MFN1: variants seen among roughly 807,000 people sequenced by gnomAD.
MFN1 encodes the protein mitofusin-1.
MFN1 carries 65 observed loss-of-function variants against 92.4 expected under a neutral mutation model. That is an observed-to-expected ratio of 0.70 (90% CI 0.58 to 0.86). The LOEUF (loss-of-function observed/expected upper bound fraction) is 0.86, where lower values mean the gene tolerates loss of function less well. Among genes scored for constraint, MFN1 ranks in the 40% least tolerant of loss-of-function variants. MFN1 has a pLI of 0.00. For missense variants in MFN1, 781 were observed against 868.0 expected, an observed-to-expected ratio of 0.90 and a Z score of 1.26; for synonymous variants, 297 against 300.9, an observed-to-expected ratio of 0.99 and a Z score of 0.13.
intron 12 of MFN1, 24 bp downstream of exon 12, chr3:179,377,472 T>G (rs1713286602): frequency 1.5e-6 from 2 of 1,377,996 alleles, no homozygotes; most frequent in East Asian, 2.3e-5. Flanking sequence ...TAGATAAAAT[T>G]ATTCAGAGAC....
At chr3:179,349,830 T>C (rs1018365902) in intron 2 of MFN1, among the ~76,000 whole-genome samples, 1 of 151,394 alleles carries the variant, frequency 6.6e-6, no homozygotes, top group Admixed American at 6.6e-5. Flanking sequence ...TGGAGATAAC[T>C]GTTGAAATTT....
chr3:179,392,060 C>CTA lies in MFN1; in HGVS notation c.*1_*2insTA, dbSNP rs771596180. On this transcript the variant is annotated 3_prime_UTR_variant, in exon 18 of 18. Transcript: ENST00000471841. ...ACCTTCAAGCAATGAAGAATCCTAA[C>CTA]AATAGAGATTGCTTTGGTGACCATG... is the stretch of plus-strand genomic sequence containing the variant. 1.3e-6 allele frequency: 2 copies of CTA among 1,598,120 alleles called. No homozygotes were observed. The highest frequency in any genetic ancestry group is 3.4e-5 in the Admixed American group (2 of 59,336).
intron 14 of MFN1, among the ~76,000 whole-genome samples, chr3:179,380,959 A>G (rs995499057): frequency 6.6e-6 from 1 of 152,230 alleles, no homozygotes; most frequent in Non-Finnish European, 1.5e-5. Flanking sequence ...AAAAAATAAT[A>G]TCTTCAGAGT....
At chr3:179,372,177 A>G (rs1713051132) in intron 9 of MFN1, among the ~76,000 whole-genome samples, 1 of 149,464 alleles carries the variant, frequency 6.7e-6, no homozygotes, top group Non-Finnish European at 1.5e-5. Context: ...GAGGGAGGGG[A>G]GAAGTAAACA....
At chr3:179,368,208 T>A in intron 9 of MFN1, 105 bp downstream of exon 9, 1 of 841,254 alleles carries the variant, frequency 1.2e-6, no homozygotes, top group Non-Finnish European at 1.6e-6. Context: ...ACTTTTGCTG[T>A]TATTTAGTTT....
At chr3:179,367,867 G>A (rs916355712) in intron 8 of MFN1, among the ~76,000 whole-genome samples, 169 bp from the exon 9 acceptor site, 9 of 151,524 alleles carry the variant, frequency 5.9e-5, no homozygotes, top group East Asian at 3.9e-4. Flanking sequence ...AGGTTGCAGC[G>A]AGCCAAGATT....
chr3:179,373,543 A>G (rs898998315), intron 9 of MFN1, among the ~76,000 whole-genome samples: 3 of 152,228 alleles, frequency 2.0e-5, no homozygotes, highest in African/African-American at 7.2e-5. Context: ...TAAAAAATTT[A>G]TCATAGAAAA....
At position 179,394,862 on chromosome 3, in the gene MFN1, A is replaced by AATC. The variant is rs1714043184; in HGVS notation, c.*2804_*2806dup. The AATC allele has an allele frequency of 6.6e-6, 1 of 152,228 alleles. No individual in the cohort carries two copies. Among genetic ancestry groups the AATC allele is most frequent in the African/African-American group, 2.4e-5 (1 of 41,454 alleles). 9.4% of individuals were successfully genotyped at this position (152,228 alleles called of 1,614,324 possible). On this transcript the variant is annotated 3_prime_UTR_variant, in exon 18 of 18. Transcript: ENST00000471841. ...ATGTTTGCAGGATTAAACTTTGTAT[A>AATC]ATCTTTTTACAAAAATTTTTTTTCA...
chr3:179,352,890 T>C (rs1053936025), intron 3 of MFN1, among the ~76,000 whole-genome samples: 11 of 151,448 alleles, frequency 7.3e-5, no homozygotes, highest in Non-Finnish European at 2.9e-5. Flanking sequence ...TAGCTGGAAT[T>C]ATAGGCGTGT....
intron 4 of MFN1, 80 bp downstream of exon 4, chr3:179,359,082 T>C: frequency 7.2e-7 from 1 of 1,390,948 alleles, no homozygotes. Context: ...TTTTATAAGA[T>C]GTCTGCATCG....
chr3:179,374,366 GTAATATATATATAACATATA>G (rs1577011137), intron 9 of MFN1, among the ~76,000 whole-genome samples: 1 of 138,428 alleles, frequency 7.2e-6, no homozygotes, highest in African/African-American at 2.7e-5. Flanking sequence ...ACATATATAT[GTAATATATATATAACATATA>G]TAACATATAT....
chr3:179,376,871 A>G (rs1713259158), intron 10 of MFN1, 171 bp from the exon 11 acceptor site: 5 of 531,066 alleles, frequency 9.4e-6, no homozygotes, highest in East Asian at 3.5e-5. Flanking sequence ...CAAATCATCT[A>G]TATAAAATAC....
intron 4 of MFN1, among the ~76,000 whole-genome samples, chr3:179,360,047 C>T (rs1203878371): frequency 2.6e-5 from 4 of 152,042 alleles, no homozygotes; most frequent in African/African-American, 9.7e-5. Flanking sequence ...TCCCGAGTAG[C>T]TGGGATTACA....
At chr3:179,359,134 T>C in intron 4 of MFN1, 132 bp downstream of exon 4, 1 of 1,149,208 alleles carries the variant, frequency 8.7e-7, no homozygotes, top group East Asian at 2.9e-5. Flanking sequence ...TTTCTTTTTT[T>C]TTTTAGACGG....
chr3:179,352,508 T>G (rs1423763253), intron 3 of MFN1, among the ~76,000 whole-genome samples: 2 of 152,240 alleles, frequency 1.3e-5, no homozygotes, highest in Middle Eastern at 6.3e-3. Flanking sequence ...AAACATACTT[T>G]AGGACTGCCT....
chr3:179,355,796 A>G (rs1712325800), intron 3 of MFN1, among the ~76,000 whole-genome samples: 1 of 152,106 alleles, frequency 6.6e-6, no homozygotes, highest in Non-Finnish European at 1.5e-5. Flanking sequence ...TACCAAAAAT[A>G]GAAAAATTAA....
chr3:179,348,219 C>G (rs1412120695), intron 1 of MFN1: 3 of 152,348 alleles, frequency 2.0e-5, no homozygotes, highest in Admixed American at 1.3e-4. Context: ...TGGAAGAATC[C>G]GCCTTCTTTA....
intron 7 of MFN1, among the ~76,000 whole-genome samples, chr3:179,366,570 A>G (rs1577007295): frequency 6.6e-6 from 1 of 152,180 alleles, no homozygotes; most frequent in African/African-American, 2.4e-5. Context: ...ATCACTGTTC[A>G]CATGATAAAA....
chr3:179,360,548 C>T (rs986868324), intron 4 of MFN1, among the ~76,000 whole-genome samples: 1 of 74,204 alleles, frequency 1.3e-5, no homozygotes, highest in Non-Finnish European at 2.6e-5. Context: ...ACTCCTTCAG[C>T]CAAAAAAAAA....
Sources: gnomAD v4.1 joint callset for allele counts (sites outside exome capture counted in the v4.1 genomes callset) on GRCh38, gnomAD v4.1.1 for gene constraint, MANE v1.5 for transcripts, NCBI Gene and HGNC (gene_info 2026-07-23, HGNC 2026-07-21) for gene names.